UPK1B: variants seen among roughly 807,000 people sequenced by gnomAD.
UPK1B encodes the protein uroplakin-1b.
Under a neutral mutation model 34.2 loss-of-function variants are expected in UPK1B, and 28 were observed. The ratio of observed to expected loss-of-function variants is 0.82; its 90% CI spans 0.61 to 1.12. The LOEUF (loss-of-function observed/expected upper bound fraction) is 1.12, where lower values mean the gene tolerates loss of function less well. UPK1B is among the 50% of genes most tolerant of loss of function. The pLI, the probability that UPK1B is intolerant of heterozygous loss-of-function variation, is 0.00. For synonymous variants in UPK1B, 81 were observed against 110.4 expected (o/e 0.73, Z 1.67); for missense variants, 325 against 320.9 (o/e 1.01, Z -0.10).
intron 2 of UPK1B, among the ~76,000 whole-genome samples, chr3:119,187,098 T>A (rs1294998840): frequency 6.6e-6 from 1 of 152,208 alleles, no homozygotes; most frequent in Non-Finnish European, 1.5e-5. Flanking sequence ...CGAACACACT[T>A]CACTATTTCT....
At chr3:119,176,555 T>C (rs1390405392) in intron 1 of UPK1B, among the ~76,000 whole-genome samples, 1 of 152,206 alleles carries the variant, frequency 6.6e-6, no homozygotes, top group African/African-American at 2.4e-5. Context: ...ATCATCATCA[T>C]ACCAGGCCAC....
Position 119,187,946 on chromosome 3 carries a change from A to G in UPK1B, c.241A>G (p.Met81Val), listed in dbSNP as rs1352859053. ...GTCTGTTCTAGGCATTGTAGGCATCATGAAGTCCAGCAGGAAAATTCTTCT... is the reference window on the plus strand; with the variant it reads ...GTCTGTTCTAGGCATTGTAGGCATCGTGAAGTCCAGCAGGAAAATTCTTCT... ...CLSVLGIVGI[M>V]KSSRKILLAY... The change falls in exon 3 of 8, where the codon ATG becomes GTG. Residue 81 changes from methionine to valine, a missense_variant. By Grantham distance (21) the Met-to-Val change is conservative. Coordinates refer to ENST00000264234, the MANE Select transcript of UPK1B (RefSeq NM_006952.4). 1 of 1,614,048 alleles carries G rather than the reference A, an allele frequency of 6.2e-7. No homozygotes were observed. Among genetic ancestry groups the G allele is most frequent in the African/African-American group, 1.3e-5 (1 of 74,912 alleles).
chr3:119,200,046 G>T (rs2078084650), intron 7 of UPK1B, among the ~76,000 whole-genome samples: 1 of 152,122 alleles, frequency 6.6e-6, no homozygotes, highest in Admixed American at 6.5e-5. Flanking sequence ...CTAAATAGAA[G>T]ACAGTTAGAT....
At chr3:119,195,200 A>G (rs1159805765) in intron 6 of UPK1B, among the ~76,000 whole-genome samples, 2 of 150,934 alleles carry the variant, frequency 1.3e-5, no homozygotes, top group Non-Finnish European at 2.9e-5. Flanking sequence ...CACAGACTCT[A>G]AGCCAGTGAA....
At chr3:119,196,600 C>T (rs1202209623) in intron 6 of UPK1B, among the ~76,000 whole-genome samples, 3 of 141,508 alleles carry the variant, frequency 2.1e-5, no homozygotes, top group South Asian at 2.2e-4. Flanking sequence ...AGTGCAGTGG[C>T]GCTATCTCGG....
At chr3:119,179,620 C>T (rs2077979133) in intron 1 of UPK1B, among the ~76,000 whole-genome samples, 1 of 145,220 alleles carries the variant, frequency 6.9e-6, no homozygotes, top group African/African-American at 2.5e-5. Flanking sequence ...CGCCATTCTC[C>T]TGCCTCAGCC....
intron 7 of UPK1B, among the ~76,000 whole-genome samples, chr3:119,202,812 C>T (rs1413662545): frequency 6.6e-6 from 1 of 152,084 alleles, no homozygotes; most frequent in Non-Finnish European, 1.5e-5. Context: ...CGAAATGGTA[C>T]ATACTAGAAA....
In UPK1B at chr3:119,187,771, C is replaced by T; in HGVS notation, c.70-4C>T. The T allele has an allele frequency of 6.2e-7, 1 of 1,613,804 alleles. No individual in the cohort carries two copies. On this transcript the variant is annotated splice_polypyrimidine_tract_variant and splice_region_variant and intron_variant, in intron 2 of 7. Coordinates refer to ENST00000264234, the MANE Select transcript of UPK1B (RefSeq NM_006952.4). ...GATGGAGCCCACCTTTCATTTGCCC[C>T]CAGTGTTGCGGCATTGCCCTGACTG...
intron 6 of UPK1B, among the ~76,000 whole-genome samples, chr3:119,198,306 T>C (rs551174451): frequency 2.5e-4 from 38 of 152,274 alleles, no homozygotes; most frequent in Middle Eastern, 3.4e-3. Flanking sequence ...GGTTATTGCA[T>C]TTCCTAGGCA....
intron 1 of UPK1B, among the ~76,000 whole-genome samples, chr3:119,180,535 A>G (rs2077984717): frequency 6.6e-6 from 1 of 152,232 alleles, no homozygotes; most frequent in African/African-American, 2.4e-5. Context: ...GAAGCTATTA[A>G]CAAAGGCAAA....
At chr3:119,183,388 A>G (rs1299835209) in intron 1 of UPK1B, among the ~76,000 whole-genome samples, 2 of 151,824 alleles carry the variant, frequency 1.3e-5, no homozygotes, top group Non-Finnish European at 2.9e-5. Flanking sequence ...CAGCCTCCCA[A>G]GTAGCTGGGA....
chr3:119,177,015 G>A (rs146944442), intron 1 of UPK1B, among the ~76,000 whole-genome samples: 160 of 152,146 alleles, frequency 1.1e-3, no homozygotes, highest in Middle Eastern at 3.4e-3. Context: ...GTCTTCCCTC[G>A]CCCTTTGAAA....
At chr3:119,180,661 A>G (rs1171122617) in intron 1 of UPK1B, among the ~76,000 whole-genome samples, 1 of 131,716 alleles carries the variant, frequency 7.6e-6, no homozygotes, top group Non-Finnish European at 1.7e-5. Flanking sequence ...AGGTCAACAA[A>G]TTCATAATGT....
At chr3:119,200,694 C>T (rs1439687040) in intron 7 of UPK1B, among the ~76,000 whole-genome samples, 1 of 152,152 alleles carries the variant, frequency 6.6e-6, no homozygotes, top group African/African-American at 2.4e-5. Context: ...CTGATTTTTG[C>T]TTGAAAGTTC....
chr3:119,195,293 G>T (rs1283420298), intron 6 of UPK1B, among the ~76,000 whole-genome samples: 1 of 152,188 alleles, frequency 6.6e-6, no homozygotes, highest in Non-Finnish European at 1.5e-5. Flanking sequence ...ACACTGAAAC[G>T]CTGTGCTCTG....
rs1268818690 is a variant in UPK1B, at chr3:119,179,773, C to A, written c.-29+6135C>A. On this transcript the variant is annotated intron_variant, in intron 1 of 7. Coordinates refer to ENST00000264234, the MANE Select transcript of UPK1B (RefSeq NM_006952.4). ...CCACCCGCCTCGGCCTCCCAGAGTG[C>A]GGGGATTACAGGCGTGAGCCACCAC... Among the ~76,000 whole-genome samples the A allele has an allele frequency of 3.9e-5, 5 of 128,800 alleles. 1 individual carries two copies. The highest frequency in any genetic ancestry group is 5.1e-4 in the East Asian group (2 of 3,888). The allele number at this position is 128,800 out of a possible 152,430, so 84.5% of individuals were successfully genotyped here.
chr3:119,198,834 C>T (rs746505198), intron 6 of UPK1B, among the ~76,000 whole-genome samples: 2 of 152,170 alleles, frequency 1.3e-5, no homozygotes, highest in African/African-American at 2.4e-5. Context: ...GTGATAAAGA[C>T]ACAAATAAAT....
At position 119,204,151 on chromosome 3, in the gene UPK1B, T is replaced by C; in HGVS notation, c.*184T>C. 1.6e-6 allele frequency: 1 copy of C among 609,870 alleles called. No individual in the cohort carries two copies. The highest frequency in any genetic ancestry group is 2.9e-6 in the Non-Finnish European group (1 of 350,448). The allele number at this position is 609,870 out of a possible 1,614,324, so 37.8% of individuals were successfully genotyped here. ...CTGCAGTTCTCATGACTCCTACTTT[T>C]CATCCTAGTCTAGCATTCTGCAACA... On this transcript the variant is annotated 3_prime_UTR_variant, in exon 8 of 8. Transcript: ENST00000264234.
At chr3:119,180,755 C>A (rs183024562) in intron 1 of UPK1B, among the ~76,000 whole-genome samples, 12 of 152,160 alleles carry the variant, frequency 7.9e-5, no homozygotes, top group Admixed American at 7.8e-4. Flanking sequence ...CATTACTCTA[C>A]CCCTATGCAC....
Sources: gnomAD v4.1 joint callset for allele counts (sites outside exome capture counted in the v4.1 genomes callset) on GRCh38, gnomAD v4.1.1 for gene constraint, MANE v1.5 for transcripts, NCBI Gene and HGNC (gene_info 2026-07-23, HGNC 2026-07-21) for gene names.